IFT140: variants seen among roughly 807,000 people sequenced by gnomAD.
IFT140 encodes the protein intraflagellar transport 140.
In IFT140, 133 loss-of-function variants were observed where a neutral mutation model predicts 164.6. The observed-to-expected ratio is 0.81, with a 90% CI of 0.70 to 0.93. IFT140 has a LOEUF of 0.93. IFT140 is among the 40% of genes least tolerant of loss of function. IFT140 has a pLI of 0.00. For synonymous variants in IFT140, 860 were observed against 817.3 expected, an observed-to-expected ratio of 1.05 and a Z score of -0.89; for missense variants, 2,045 against 1,972.3, an observed-to-expected ratio of 1.04 and a Z score of -0.70.
chr16:1,587,330 T>G, intron 8 of IFT140, 26 bp from the exon 9 acceptor site: 1 of 1,458,358 alleles, frequency 6.9e-7, no homozygotes, highest in Non-Finnish European at 9.6e-7. Context: ...GCAAGCCCCA[T>G]GGAGGGCCTG....
At chr16:1,594,861 C>T (rs1327032526) in intron 4 of IFT140, among the ~76,000 whole-genome samples, 3 of 152,208 alleles carry the variant, frequency 2.0e-5, no homozygotes, top group African/African-American at 7.2e-5. Context: ...AAACTGGGGG[C>T]CCTTTAGCCC....
intron 19 of IFT140, chr16:1,541,491 C>T (rs1253172146): frequency 3.5e-5 from 34 of 985,288 alleles, no homozygotes; most frequent in Non-Finnish European, 3.6e-5. Context: ...GCGGAGTCTC[C>T]GGTCAGGCAG....
intron 3 of IFT140, among the ~76,000 whole-genome samples, chr16:1,606,438 A>C (rs574901084): frequency 2.3e-4 from 35 of 152,352 alleles, no homozygotes; most frequent in African/African-American, 8.4e-4. Context: ...GGCCTCTGTG[A>C]AAACTGATGA....
At chr16:1,527,843 G>A (rs1248155934) in intron 19 of IFT140, among the ~76,000 whole-genome samples, 1 of 152,196 alleles carries the variant, frequency 6.6e-6, no homozygotes, top group East Asian at 1.9e-4. Context: ...ACACTGCTGG[G>A]ATGACAGGCA....
Position 1,526,617 on chromosome 16 carries a change from A to G in IFT140, c.2577+2T>C. 6.6e-7 allele frequency: 1 copy of G among 1,508,622 alleles called. No homozygotes were observed. Among genetic ancestry groups the G allele is most frequent in the Non-Finnish European group, 8.8e-7 (1 of 1,134,140 alleles). 93.5% of individuals were successfully genotyped at this position (1,508,622 alleles called of 1,614,324 possible). A position where few individuals can be genotyped will look rare whatever the true frequency, so the allele number is the denominator to read the frequency against. On this transcript the variant is annotated splice_donor_variant, in intron 20 of 30. Transcript: ENST00000426508. LOFTEE classifies it high-confidence loss of function. ...ACCCACCCCATGGCGGGCGCCCCTC[A>G]CCAGCATGCCCAGCTGCGTGGCCAG...
intron 4 of IFT140, among the ~76,000 whole-genome samples, chr16:1,593,091 G>A (rs1034079891): frequency 6.6e-6 from 1 of 152,182 alleles, no homozygotes; most frequent in East Asian, 1.9e-4. Context: ...GGAGGGACAG[G>A]TGTCCTGGCA....
Position 1,589,754 on chromosome 16 carries a change from C to T in IFT140, c.661G>A (p.Gly221Ser), listed in dbSNP as rs1422407152. 2 of 1,614,184 alleles carry T rather than the reference C, an allele frequency of 1.2e-6. No individual in the cohort carries two copies. ...GCGGACACCACCTGAGTGGTCTTGC[C>T]CTTCTCATCCACATAGTGCACTGTC... ...DGTVHYVDEK[G>S]KTTQVVSADS... Residue 221 changes from glycine (G) to serine (S), a missense_variant, in exon 7 of 31, where the codon GGC (glycine) becomes AGC (serine). Gly to Ser is a moderately conservative substitution (Grantham distance 56). Coordinates refer to ENST00000426508, the MANE Select transcript of IFT140 (RefSeq NM_014714.4).
At position 1,595,592 on chromosome 16, in the gene IFT140, A is replaced by T; in HGVS notation, c.370-3004T>A. On this transcript the variant is annotated intron_variant, in intron 4 of 30. Transcript: ENST00000426508. ...ACTCCAGCCTGGGCGACAGAGTGAG[A>T]CTCCATCTCAGAAAAAAAAAAAAAA... Among the ~76,000 whole-genome samples the T allele has an allele frequency of 1.4e-5, 2 of 142,116 alleles. 1 individual carries two copies. The highest frequency in any genetic ancestry group is 1.4e-4 in the Admixed American group (2 of 14,060). 93.2% of individuals were successfully genotyped at this position (142,116 alleles called of 152,430 possible).
chr16:1,584,746 T>C (rs977598658), intron 10 of IFT140, among the ~76,000 whole-genome samples: 1 of 152,174 alleles, frequency 6.6e-6, no homozygotes, highest in Non-Finnish European at 1.5e-5. Context: ...GGGATGTTTA[T>C]GTTTTTTATA....
At chr16:1,542,112 GC>G (rs990365426) in intron 19 of IFT140, 1 of 1,532,892 alleles carries the variant, frequency 6.5e-7, no homozygotes, top group Non-Finnish European at 8.8e-7. Context: ...CCGCGCCCTT[GC>G]CCCCTGTGGC....
chr16:1,563,975 A>G (rs1317585301), intron 17 of IFT140, 22 bp downstream of exon 17: 2 of 1,541,568 alleles, frequency 1.3e-6, no homozygotes, highest in African/African-American at 2.8e-5. Flanking sequence ...GTCTAAACTC[A>G]AATACAACAG....
chr16:1,577,109 G>C (rs1322523534), intron 13 of IFT140: 1 of 152,178 alleles, frequency 6.6e-6, no homozygotes, highest in African/African-American at 2.4e-5. Flanking sequence ...GGACCCATGT[G>C]ACATGCCACT....
intron 15 of IFT140, among the ~76,000 whole-genome samples, chr16:1,566,780 G>A (rs2033742650): frequency 1.3e-5 from 2 of 151,974 alleles, no homozygotes; most frequent in Admixed American, 6.6e-5. Flanking sequence ...GGGTCTTCCC[G>A]TCAGTGTTAA....
intron 19 of IFT140, among the ~76,000 whole-genome samples, chr16:1,535,254 T>C (rs2030949400): frequency 6.6e-6 from 1 of 152,014 alleles, no homozygotes; most frequent in African/African-American, 2.4e-5. Context: ...ACAGGGATGC[T>C]CAGTGGTTGC....
intron 19 of IFT140, among the ~76,000 whole-genome samples, chr16:1,535,428 G>A (rs1293380119): frequency 6.6e-6 from 1 of 152,240 alleles, no homozygotes; most frequent in East Asian, 1.9e-4. Context: ...GAAACTGTCA[G>A]CAAGGTTTTG....
At chr16:1,572,003 G>A (rs541941626) in intron 13 of IFT140, among the ~76,000 whole-genome samples, 6 of 152,318 alleles carry the variant, frequency 3.9e-5, no homozygotes, top group South Asian at 4.1e-4. Flanking sequence ...GTTGTGTCAC[G>A]TGAATGGTTA....
Position 1,520,347 on chromosome 16 carries a change from G to C in IFT140, c.3661-4C>G, listed in dbSNP as rs2040483420. The stretch of plus-strand genomic sequence containing the variant: ...ATTTGAGCAGCGCCCTCATGGCCTA[G>C]GCAGAGAGACAGCGGGGCTCAGGCA... On this transcript the variant is annotated splice_region_variant and splice_polypyrimidine_tract_variant and intron_variant, in intron 27 of 30. Transcript: ENST00000426508. 1 of 1,613,672 alleles carries C rather than the reference G, an allele frequency of 6.2e-7. No homozygotes were observed.
intron 30 of IFT140, chr16:1,513,225 C>T (rs975440948): frequency 6.6e-6 from 1 of 152,214 alleles, no homozygotes; most frequent in Non-Finnish European, 1.5e-5. Context: ...CGCGGTGGCT[C>T]ACGCCTGTAA....
intron 4 of IFT140, among the ~76,000 whole-genome samples, chr16:1,601,744 G>T (rs753513908): frequency 6.6e-6 from 1 of 152,246 alleles, no homozygotes; most frequent in Non-Finnish European, 1.5e-5. Flanking sequence ...GTGTGTGCTG[G>T]AAGGCAGCAG....
Sources: allele counts gnomAD v4.1 joint callset (sites outside exome capture counted in the v4.1 genomes callset), GRCh38; gene constraint gnomAD v4.1.1; transcripts MANE v1.5; gene names NCBI Gene and HGNC (gene_info 2026-07-23, HGNC 2026-07-21).